ZMYM2: variants seen among roughly 807,000 people sequenced by gnomAD.
The protein encoded by ZMYM2 is zinc finger MYM-type containing 2.
In ZMYM2, 56 loss-of-function variants were observed where a neutral mutation model predicts 162.8. That is an observed-to-expected ratio of 0.34 (90% confidence interval 0.28 to 0.43). ZMYM2 has a LOEUF of 0.43. ZMYM2 is among the 20% of genes least tolerant of loss of function. The pLI is 1.00. For synonymous variants in ZMYM2, 510 were observed against 541.6 expected, an observed-to-expected ratio of 0.94 and a Z score of 0.81; for missense variants, 1,275 against 1,621.8, an observed-to-expected ratio of 0.79 and a Z score of 3.67.
At chr13:20,075,989 C>A (rs1320269844) in intron 21 of ZMYM2, among the ~76,000 whole-genome samples, 2 of 141,366 alleles carry the variant, frequency 1.4e-5, no homozygotes, top group East Asian at 1.9e-4. Flanking sequence ...AGCCACCATG[C>A]CAGCCACTTT....
the ZMYM2 span, among the ~76,000 whole-genome samples, chr13:19,922,461 C>T: frequency 6.6e-6 from 1 of 152,154 alleles, no homozygotes; most frequent in Non-Finnish European, 1.5e-5. Flanking sequence ...AATGTGATTG[C>T]TGTCTCATTT....
At chr13:19,957,042 T>C (rs964330001), upstream of ZMYM2, among the ~76,000 whole-genome samples, 1 of 152,234 alleles carries the variant, frequency 6.6e-6, no homozygotes, top group Non-Finnish European at 1.5e-5. Flanking sequence ...AAATTAGTGA[T>C]ACTTTTTGAA....
At chr13:19,995,480 G>A (rs765236656) in intron 3 of ZMYM2, among the ~76,000 whole-genome samples, 6 of 151,788 alleles carry the variant, frequency 4.0e-5, no homozygotes, top group Non-Finnish European at 8.8e-5. Flanking sequence ...GTGCAATCTC[G>A]GCTGACTGCA....
At chr13:20,046,553 C>CT (rs1954798415) in intron 12 of ZMYM2, among the ~76,000 whole-genome samples, 1 of 14,204 alleles carries the variant, frequency 7.0e-5, no homozygotes, top group Non-Finnish European at 2.4e-4. Context: ...GACTTTGTCT[C>CT]TAAAAAAAAA....
the ZMYM2 span, among the ~76,000 whole-genome samples, chr13:19,899,475 G>T: frequency 8.6e-5 from 13 of 151,002 alleles, no homozygotes; most frequent in Non-Finnish European, 1.9e-4. Flanking sequence ...CAAAAGGAAG[G>T]AAATAATAAG....
intron 2 of ZMYM2, among the ~76,000 whole-genome samples, chr13:19,966,072 C>T (rs889146089): frequency 5.9e-5 from 9 of 151,606 alleles, no homozygotes; most frequent in African/African-American, 2.2e-4. Flanking sequence ...AGCCACCGCA[C>T]CAGGCCTGAA....
At chr13:19,885,052 T>G in the ZMYM2 span, among the ~76,000 whole-genome samples, 1 of 152,210 alleles carries the variant, frequency 6.6e-6, no homozygotes, top group Non-Finnish European at 1.5e-5. Flanking sequence ...CACAGAGTGC[T>G]GATTGGTGCA....
At position 20,009,145 on chromosome 13, in the gene ZMYM2, A is replaced by G. The variant is rs1040338039; in HGVS notation, c.1512+2559A>G. On this transcript the variant is annotated intron_variant, in intron 6 of 24. Coordinates refer to ENST00000610343, the MANE Select transcript of ZMYM2 (RefSeq NM_197968.4). ...CATAAGAACCAGTTTATTTAGCCCT[A>G]TATAAAAATGTTGAACCTAGATTAA... is the stretch of plus-strand genomic sequence containing the variant. 1.4e-4 allele frequency among the ~76,000 whole-genome samples: 22 copies of G among 152,320 alleles called. No individual in the cohort carries two copies. In the South Asian group the frequency reaches 4.4e-3, roughly 30 times the overall value.
chr13:19,960,532 T>C (rs904752206), intron 2 of ZMYM2, among the ~76,000 whole-genome samples: 1 of 152,222 alleles, frequency 6.6e-6, no homozygotes, highest in African/African-American at 2.4e-5. Context: ...TAGATCTTTT[T>C]CATGTATTTG....
At chr13:19,975,538 A>G (rs1333457334) in intron 2 of ZMYM2, among the ~76,000 whole-genome samples, 2 of 152,194 alleles carry the variant, frequency 1.3e-5, no homozygotes, top group Non-Finnish European at 2.9e-5. Context: ...TCCCCTGTGT[A>G]TGTTTACCAA....
chr13:20,028,668 C>A (rs904201541), intron 9 of ZMYM2, among the ~76,000 whole-genome samples: 3 of 152,122 alleles, frequency 2.0e-5, no homozygotes, highest in African/African-American at 7.2e-5. Context: ...GCAAGTCTTC[C>A]TGTGTACTTT....
At chr13:19,951,527 TAAA>T in the ZMYM2 span, among the ~76,000 whole-genome samples, 3 of 76,438 alleles carry the variant, frequency 3.9e-5, no homozygotes, top group South Asian at 7.9e-4. Context: ...CCATCTCTAC[TAAA>T]AAAAAAAAAA....
intron 6 of ZMYM2, among the ~76,000 whole-genome samples, chr13:20,014,474 A>G (rs1449336329): frequency 6.6e-6 from 1 of 152,036 alleles, no homozygotes; most frequent in Non-Finnish European, 1.5e-5. Flanking sequence ...GAATTTGTGC[A>G]TTTCATCTAG....
At chr13:19,985,165 C>G (rs1163734370) in intron 2 of ZMYM2, among the ~76,000 whole-genome samples, 1 of 152,122 alleles carries the variant, frequency 6.6e-6, no homozygotes, top group Non-Finnish European at 1.5e-5. Flanking sequence ...ACTCTGTTGC[C>G]CAGGCTGGAG....
intron 2 of ZMYM2, among the ~76,000 whole-genome samples, chr13:19,983,549 C>T (rs181974831): frequency 2.0e-5 from 3 of 152,134 alleles, no homozygotes; most frequent in Admixed American, 6.5e-5. Flanking sequence ...TTGTCTTATT[C>T]TTGACTTTAA....
intron 3 of ZMYM2, among the ~76,000 whole-genome samples, chr13:20,001,216 A>T (rs980388704): frequency 1.3e-5 from 2 of 151,938 alleles, no homozygotes; most frequent in Non-Finnish European, 2.9e-5. Context: ...ACATGGTGAA[A>T]CCCTGTCTTT....
At chr13:19,932,803 C>G in the ZMYM2 span, among the ~76,000 whole-genome samples, 1 of 152,148 alleles carries the variant, frequency 6.6e-6, no homozygotes, top group Admixed American at 6.6e-5. Flanking sequence ...GACTTTATAT[C>G]CTCTGGAACT....
rs529677431 is a variant in ZMYM2 at position 20,058,693 on chromosome 13, C to G, written c.2612C>G (p.Ser871Cys). The G allele has an allele frequency of 3.1e-6, 5 of 1,613,534 alleles. No homozygotes were observed. The Admixed American group carries it at 8.3e-5, about 27-fold the overall frequency. ...TGTAAACCTCACATGCAGACCAAAT[C>G]TTGTCAGACAGGTAACTTAGGACAA... Reference protein sequence around the residue: ...TYCKPHMQTKSCQTDDTWRTE... With the variant: ...TYCKPHMQTKCCQTDDTWRTE... Residue 871 changes from serine to cysteine, a missense_variant, in exon 15 of 25, where the codon TCT becomes TGT. By Grantham distance (112) the Ser-to-Cys change is moderately radical. Transcript: ENST00000610343.
At chr13:19,969,456 C>T (rs1239894462) in intron 2 of ZMYM2, among the ~76,000 whole-genome samples, 3 of 152,196 alleles carry the variant, frequency 2.0e-5, no homozygotes, top group African/African-American at 7.2e-5. Flanking sequence ...AAAGTGGGGT[C>T]GTAATATAGT....
Sources: allele counts gnomAD v4.1 joint callset (sites outside exome capture counted in the v4.1 genomes callset), GRCh38; gene constraint gnomAD v4.1.1; transcripts MANE v1.5; gene names NCBI Gene and HGNC (gene_info 2026-07-23, HGNC 2026-07-21).